SCARB2: variants seen among roughly 807,000 people sequenced by gnomAD.
The protein encoded by SCARB2 is scavenger receptor class B member 2.
A neutral mutation model predicts 58.6 loss-of-function variants in SCARB2; 29 were observed. The observed-to-expected ratio is 0.49, with a 90% CI of 0.37 to 0.67. The LOEUF (loss-of-function observed/expected upper bound fraction) is 0.67, where lower values mean the gene tolerates loss of function less well. SCARB2 is among the 30% of genes least tolerant of loss of function. SCARB2 has a pLI of 0.00. For synonymous variants in SCARB2, 195 were observed against 210.1 expected (o/e 0.93, Z 0.62); for missense variants, 488 against 578.5 (o/e 0.84, Z 1.60).
intron 1 of SCARB2, among the ~76,000 whole-genome samples, chr4:76,220,532 TAGG>T (rs966682771): frequency 1.3e-5 from 2 of 151,606 alleles, no homozygotes; most frequent in Non-Finnish European, 2.9e-5. Context: ...TGAGGTGAGA[TAGG>T]AGGATTCCTC....
At chr4:76,200,428 G>A (rs1181995077) in intron 1 of SCARB2, among the ~76,000 whole-genome samples, 2 of 152,158 alleles carry the variant, frequency 1.3e-5, no homozygotes, top group African/African-American at 4.8e-5. Flanking sequence ...AAATTATCAA[G>A]TTCTATGGTG....
Position 76,161,627 on chromosome 4 carries a change from A to T in SCARB2, c.*86T>A. 1 of 1,399,248 alleles carries T rather than the reference A, an allele frequency of 7.1e-7. No homozygotes were observed. The highest frequency in any genetic ancestry group is 1.2e-5 in the South Asian group (1 of 86,666). The allele number at this position is 1,399,248 out of a possible 1,614,324, so 86.7% of individuals were successfully genotyped here. On this transcript the variant is annotated 3_prime_UTR_variant, in exon 12 of 12. Transcript: ENST00000264896. ...TTTTTCCTTCTTTCAACAGGCAACAAGCCTGCAAGGAGGTGGAGGGTTTCC... is the reference window on the plus strand; with the variant it reads ...TTTTTCCTTCTTTCAACAGGCAACATGCCTGCAAGGAGGTGGAGGGTTTCC...
chr4:76,207,287 A>G (rs74529791), intron 1 of SCARB2, among the ~76,000 whole-genome samples: 3,653 of 152,342 alleles, frequency 0.024, 132 homozygotes, highest in African/African-American at 0.083. Context: ...TCAAAAATAC[A>G]TATCAGTTTC....
At chr4:76,208,510 A>G (rs1732974178) in intron 1 of SCARB2, among the ~76,000 whole-genome samples, 1 of 152,210 alleles carries the variant, frequency 6.6e-6, no homozygotes, top group African/African-American at 2.4e-5. Context: ...AGAGGTCAAC[A>G]GCTGGAAAGT....
chr4:76,213,096 G>A (rs1351582814), intron 1 of SCARB2: 1 of 364,972 alleles, frequency 2.7e-6, no homozygotes, highest in African/African-American at 2.1e-5. Context: ...TCTTCATGAA[G>A]TGGGAAGGAA....
rs2109947357 is a variant in SCARB2 at position 76,179,670 on chromosome 4, C to T, written c.459G>A (p.Arg153=). The change falls in exon 4 of 12, where the codon AGG becomes AGA. Residue 153 remains arginine, a synonymous_variant. Transcript: ENST00000264896. ...CTTTCAACATGGCCTCGATGATCTC[C>T]CTGAGGAAGTGCACCTGGGACCACT... is the stretch of plus-strand genomic sequence containing the variant. The part of the protein sequence containing the change: ...VIEWSQVHFL[R]EIIEAMLKAY... The T allele has an allele frequency of 6.2e-7, 1 of 1,614,086 alleles. No homozygotes were observed. The highest frequency in any genetic ancestry group is 8.5e-7 in the Non-Finnish European group (1 of 1,180,004).
upstream of SCARB2, among the ~76,000 whole-genome samples, chr4:76,216,082 C>G (rs997806837): frequency 6.6e-6 from 1 of 152,150 alleles, no homozygotes; most frequent in Non-Finnish European, 1.5e-5. Flanking sequence ...ATTCAACTGT[C>G]CCCAGCCTGA....
At chr4:76,230,318 T>C (rs1733471292) in intron 1 of SCARB2, among the ~76,000 whole-genome samples, 2 of 152,102 alleles carry the variant, frequency 1.3e-5, no homozygotes, top group South Asian at 4.1e-4. Flanking sequence ...ACAATAGGCC[T>C]AACTCAACTC....
chr4:76,203,638 G>A (rs1350108792), intron 1 of SCARB2, among the ~76,000 whole-genome samples: 2 of 152,228 alleles, frequency 1.3e-5, no homozygotes, highest in East Asian at 3.8e-4. Flanking sequence ...AGACAGAACT[G>A]AGAACAACCT....
intron 3 of SCARB2, 80 bp downstream of exon 3, chr4:76,180,874 T>C: frequency 8.0e-7 from 1 of 1,247,600 alleles, no homozygotes; most frequent in Non-Finnish European, 1.1e-6. Flanking sequence ...GGCTCCTAAA[T>C]GTAAAATCAT....
rs1054762441 is a variant in SCARB2 at position 76,160,247 on chromosome 4, T to C, written c.*1466A>G. On this transcript the variant is annotated 3_prime_UTR_variant, in exon 12 of 12. Transcript: ENST00000264896. ...TTTTCTTCATTTGCTTACATTGAAA[T>C]CCAGTTTTAAACAAAAAAAATCCTT... The C allele has an allele frequency of 6.6e-6, 1 of 152,196 alleles. No individual in the cohort carries two copies. The highest frequency in any genetic ancestry group is 6.5e-5 in the Admixed American group (1 of 15,288). 9.4% of individuals were successfully genotyped at this position (152,196 alleles called of 1,614,324 possible).
chr4:76,196,144 G>A (rs1009591469), intron 1 of SCARB2, among the ~76,000 whole-genome samples: 2 of 152,204 alleles, frequency 1.3e-5, no homozygotes, highest in Non-Finnish European at 2.9e-5. Context: ...GATCACTTGA[G>A]GTCAAGAGTT....
chr4:76,202,569 C>G (rs967232679), intron 1 of SCARB2, among the ~76,000 whole-genome samples: 2 of 152,096 alleles, frequency 1.3e-5, no homozygotes, highest in Non-Finnish European at 2.9e-5. Context: ...CCTGTTGTTA[C>G]TTTAAATCAG....
At chr4:76,181,133 T>C (rs1435949399) in intron 2 of SCARB2, 32 bp from the exon 3 acceptor site, 2 of 1,602,502 alleles carry the variant, frequency 1.2e-6, no homozygotes, top group South Asian at 2.2e-5. Context: ...TATTTGAAAA[T>C]AGACACCACT....
intron 1 of SCARB2, among the ~76,000 whole-genome samples, chr4:76,208,346 T>G (rs150965216): frequency 6.6e-6 from 1 of 152,352 alleles, no homozygotes; most frequent in Admixed American, 6.5e-5. Context: ...AGGAAAGAAT[T>G]TGGATAATTT....
intron 1 of SCARB2, among the ~76,000 whole-genome samples, chr4:76,221,988 T>C (rs943248556): frequency 2.0e-5 from 3 of 152,214 alleles, no homozygotes; most frequent in African/African-American, 7.2e-5. Context: ...TCTTTAACAA[T>C]AGGTGACTAC....
At chr4:76,166,212 C>G in intron 10 of SCARB2, 38 bp downstream of exon 10, 1 of 1,606,644 alleles carries the variant, frequency 6.2e-7, no homozygotes, top group South Asian at 1.1e-5. Flanking sequence ...TTTTCTGAGT[C>G]TGAAAACACC....
intron 1 of SCARB2, among the ~76,000 whole-genome samples, chr4:76,222,921 G>T (rs28442089): frequency 7.0e-4 from 106 of 152,268 alleles, no homozygotes; most frequent in African/African-American, 2.1e-3. Flanking sequence ...AGAAAGGCAG[G>T]GGGGGAAGAG....
chr4:76,201,041 T>C (rs1419321613), intron 1 of SCARB2, among the ~76,000 whole-genome samples: 2 of 152,182 alleles, frequency 1.3e-5, no homozygotes, highest in Non-Finnish European at 2.9e-5. Flanking sequence ...TGACCTGTTG[T>C]GATCTGATGC....
Sources: gnomAD v4.1 joint callset for allele counts (sites outside exome capture counted in the v4.1 genomes callset) on GRCh38, gnomAD v4.1.1 for gene constraint, MANE v1.5 for transcripts, NCBI Gene and HGNC (gene_info 2026-07-23, HGNC 2026-07-21) for gene names.